Variants in SUMF1 observed in about 807,000 individuals in gnomAD.
SUMF1 encodes the protein formylglycine-generating enzyme.
A neutral mutation model predicts 47.6 loss-of-function variants in SUMF1; 48 were observed. That is an observed-to-expected ratio of 1.01 (90% confidence interval 0.80 to 1.28). The LOEUF (loss-of-function observed/expected upper bound fraction) is 1.28, where lower values mean the gene tolerates loss of function less well. Among genes scored for constraint, SUMF1 ranks in the 50% most tolerant of loss-of-function variants. The pLI is 0.00. For missense variants in SUMF1, 571 were observed against 485.4 expected (o/e 1.18, Z -1.66); for synonymous variants, 230 against 192.1 (o/e 1.20, Z -1.63).
intron 8 of SUMF1, among the ~76,000 whole-genome samples, chr3:4,329,075 C>T (rs558017339): frequency 6.6e-6 from 1 of 152,352 alleles, no homozygotes; most frequent in African/African-American, 2.4e-5. Flanking sequence ...TTCACATGGT[C>T]TTGGGCATCT....
intron 8 of SUMF1, among the ~76,000 whole-genome samples, chr3:4,180,335 A>T (rs1695065719): frequency 6.6e-6 from 1 of 152,206 alleles, no homozygotes; most frequent in Non-Finnish European, 1.5e-5. Context: ...AAAATGTGGC[A>T]CATATACACC....
chr3:4,131,443 C>A (rs1210288036), intron 8 of SUMF1, among the ~76,000 whole-genome samples: 1 of 152,168 alleles, frequency 6.6e-6, no homozygotes, highest in Non-Finnish European at 1.5e-5. Flanking sequence ...GCAAGCACCA[C>A]CCAAAAGTGG....
At chr3:4,405,511 C>T (rs936747937) in intron 7 of SUMF1, among the ~76,000 whole-genome samples, 5 of 152,172 alleles carry the variant, frequency 3.3e-5, no homozygotes, top group African/African-American at 9.7e-5. Flanking sequence ...CTCAATCTGC[C>T]GGGTAGCTGG....
chr3:4,117,035 TG>T (rs1159090464), intron 8 of SUMF1, among the ~76,000 whole-genome samples: 1 of 152,152 alleles, frequency 6.6e-6, no homozygotes. Context: ...TTAAAGACAA[TG>T]GCATAGATCT....
chr3:4,214,658 G>A (rs1695877218), intron 8 of SUMF1, among the ~76,000 whole-genome samples: 1 of 151,730 alleles, frequency 6.6e-6, no homozygotes, highest in South Asian at 2.1e-4. Flanking sequence ...TAGACCACTA[G>A]CAAGACTAAT....
At chr3:4,385,632 A>C (rs1273179368) in intron 7 of SUMF1, among the ~76,000 whole-genome samples, 1 of 152,124 alleles carries the variant, frequency 6.6e-6, no homozygotes, top group Non-Finnish European at 1.5e-5. Flanking sequence ...AGTTTTTATA[A>C]AGTCCAGTTT....
chr3:4,303,243 C>A, intron 8 of SUMF1: 17 of 1,068,580 alleles, frequency 1.6e-5, no homozygotes, highest in Non-Finnish European at 2.2e-5. Context: ...GAAGCGCCTT[C>A]CAGGCCACTC....
intron 9 of SUMF1, among the ~76,000 whole-genome samples, chr3:4,035,775 C>T (rs370982962): frequency 3.3e-5 from 5 of 152,188 alleles, no homozygotes; most frequent in East Asian, 1.9e-4. Context: ...TGTGAGGATT[C>T]GAATAATGTC....
chr3:4,081,491 A>T (rs1692558903), intron 8 of SUMF1, among the ~76,000 whole-genome samples: 1 of 152,082 alleles, frequency 6.6e-6, no homozygotes, highest in Non-Finnish European at 1.5e-5. Flanking sequence ...CTTCTTTTAG[A>T]TGTTGCCAAT....
intron 3 of SUMF1, among the ~76,000 whole-genome samples, chr3:4,422,629 A>G (rs1260500037): frequency 6.6e-6 from 1 of 152,112 alleles, no homozygotes; most frequent in African/African-American, 2.4e-5. Flanking sequence ...TGGCAAATAT[A>G]TGTACGCATT....
chr3:4,272,238 G>A (rs1412127920), intron 8 of SUMF1, among the ~76,000 whole-genome samples: 1 of 152,212 alleles, frequency 6.6e-6, no homozygotes, highest in African/African-American at 2.4e-5. Context: ...ATACTGTGCA[G>A]GAAACATTAG....
At chr3:4,136,878 T>G (rs949452215) in intron 8 of SUMF1, among the ~76,000 whole-genome samples, 3 of 152,160 alleles carry the variant, frequency 2.0e-5, no homozygotes, top group Admixed American at 2.0e-4. Context: ...AAAATGCTCA[T>G]CATCACTGGC....
At chr3:4,079,816 A>T (rs552435875) in intron 8 of SUMF1, among the ~76,000 whole-genome samples, 1 of 151,424 alleles carries the variant, frequency 6.6e-6, no homozygotes, top group Non-Finnish European at 1.5e-5. Context: ...TTTCTGATCT[A>T]GTCCTATCTT....
At chr3:4,288,296 A>G (rs1697675215) in intron 8 of SUMF1, among the ~76,000 whole-genome samples, 1 of 152,244 alleles carries the variant, frequency 6.6e-6, no homozygotes, top group African/African-American at 2.4e-5. Context: ...CTGTTGGCAC[A>G]GCACAAAAAT....
chr3:4,320,933 A>C (rs556812458), intron 8 of SUMF1, among the ~76,000 whole-genome samples: 10 of 152,254 alleles, frequency 6.6e-5, no homozygotes, highest in African/African-American at 1.9e-4. Flanking sequence ...AATTTCCTTT[A>C]ATTCTAAGTG....
At chr3:4,368,661 G>T (rs536032025) in intron 8 of SUMF1, among the ~76,000 whole-genome samples, 63 of 152,282 alleles carry the variant, frequency 4.1e-4, no homozygotes, top group African/African-American at 1.4e-3. Flanking sequence ...CACGACTCAT[G>T]TCTTCTTTCC....
At chr3:4,358,498 A>T (rs1182372336), downstream of SUMF1, among the ~76,000 whole-genome samples, 1 of 152,232 alleles carries the variant, frequency 6.6e-6, no homozygotes, top group African/African-American at 2.4e-5. Context: ...GGAGGACAGT[A>T]GAATGTGGAA....
chr3:4,188,128 T>C (rs1356078019), intron 8 of SUMF1, among the ~76,000 whole-genome samples: 5 of 151,770 alleles, frequency 3.3e-5, no homozygotes, highest in African/African-American at 1.2e-4. Context: ...CTGATGAACC[T>C]ACACAGACAC....
At chr3:4,238,765 G>C (rs1198701117) in intron 8 of SUMF1, among the ~76,000 whole-genome samples, 1 of 152,134 alleles carries the variant, frequency 6.6e-6, no homozygotes, top group African/African-American at 2.4e-5. Flanking sequence ...CTGTGCAGAA[G>C]CTCTTTAGTT....
Sources: allele counts gnomAD v4.1 joint callset (sites outside exome capture counted in the v4.1 genomes callset), GRCh38; gene constraint gnomAD v4.1.1; transcripts MANE v1.5; gene names NCBI Gene and HGNC (gene_info 2026-07-23, HGNC 2026-07-21).